PXK: variants seen among roughly 807,000 people sequenced by gnomAD.
PXK encodes PX domain-containing protein kinase-like protein.
PXK carries 35 observed loss-of-function variants against 84.7 expected under a neutral mutation model. The ratio of observed to expected loss-of-function variants is 0.41; its 90% CI spans 0.32 to 0.55. The LOEUF (loss-of-function observed/expected upper bound fraction) is 0.55. Ranked by LOEUF, PXK falls within the 20% of genes least tolerant of loss-of-function variation. PXK has a pLI of 0.21. For synonymous variants in PXK, 253 were observed against 260.8 expected (o/e 0.97, Z 0.29); for missense variants, 634 against 699.7 (o/e 0.91, Z 1.06).
At chr3:58,395,797 A>C in intron 9 of PXK, 38 bp downstream of exon 9, 7 of 1,517,742 alleles carry the variant, frequency 4.6e-6, no homozygotes, top group Non-Finnish European at 6.4e-6. Context: ...TTCAGATTTC[A>C]TCCAAAATTG....
At chr3:58,338,064 A>T (rs2097655021) in intron 1 of PXK, among the ~76,000 whole-genome samples, 1 of 152,122 alleles carries the variant, frequency 6.6e-6, no homozygotes. Flanking sequence ...TTTCTTAGCC[A>T]GGCGTGGTGG....
In PXK at chr3:58,397,269, G is replaced by A; in HGVS notation, c.984+69G>A. 6.5e-7 allele frequency: 1 copy of A among 1,529,128 alleles called. No individual in the cohort carries two copies. The highest frequency in any genetic ancestry group is 9.0e-7 in the Non-Finnish European group (1 of 1,111,996). The allele number at this position is 1,529,128 out of a possible 1,614,324, so 94.7% of individuals were successfully genotyped here. A position where few individuals can be genotyped will look rare whatever the true frequency, so the allele number is the denominator to read the frequency against. ...TCAGTTATCCCCATGATCTGCCCAT[G>A]TAGGAAATATGCACCAAGTAGTGAA... On this transcript the variant is annotated intron_variant, in intron 10 of 17. Transcript: ENST00000356151. This position sits in a 1 kb window ranked among gnomAD's most constrained non-coding sequence, Gnocchi z 4.7.
chr3:58,355,677 G>A (rs546270524), intron 1 of PXK, among the ~76,000 whole-genome samples: 5 of 152,250 alleles, frequency 3.3e-5, no homozygotes, highest in African/African-American at 7.2e-5. Flanking sequence ...AAAATGGCAC[G>A]GCCAGTGTTG....
intron 1 of PXK, among the ~76,000 whole-genome samples, chr3:58,335,604 A>C (rs2097578793): frequency 7.2e-6 from 1 of 139,610 alleles, no homozygotes; most frequent in Non-Finnish European, 1.5e-5. Flanking sequence ...GGTGTTCCAG[A>C]AGTCAGAGCT....
chr3:58,341,853 G>A (rs558544175), intron 1 of PXK, among the ~76,000 whole-genome samples: 7 of 151,982 alleles, frequency 4.6e-5, no homozygotes, highest in African/African-American at 1.7e-4. Context: ...ACAGGCACCC[G>A]CTACCACGCC....
chr3:58,378,553 T>TGTGTGA (rs1471620101), intron 3 of PXK, among the ~76,000 whole-genome samples: 1 of 131,330 alleles, frequency 7.6e-6, no homozygotes, highest in Non-Finnish European at 1.6e-5. Context: ...TGTGTGTGTG[T>TGTGTGA]GACGAAGTTT....
chr3:58,417,104 T>A (rs1380924199), intron 17 of PXK, among the ~76,000 whole-genome samples: 1 of 151,892 alleles, frequency 6.6e-6, no homozygotes, highest in Non-Finnish European at 1.5e-5. Flanking sequence ...AGGGGTCTCA[T>A]CATGTTGCCC....
chr3:58,371,372 C>G (rs962628759), intron 3 of PXK, among the ~76,000 whole-genome samples: 3 of 152,176 alleles, frequency 2.0e-5, no homozygotes, highest in Admixed American at 6.5e-5. Context: ...ATTTTCTCCT[C>G]AAGCCCTCCT....
At chr3:58,334,955 GTGTC>G (rs1443728406) in intron 1 of PXK, among the ~76,000 whole-genome samples, 342 of 114,476 alleles carry the variant, frequency 3.0e-3, no homozygotes, top group African/African-American at 6.9e-3. Flanking sequence ...GTGTGTGTGT[GTGTC>G]TGTGTGTGTG....
At position 58,346,301 on chromosome 3, in the gene PXK, G is replaced by A. The variant is rs544823050; in HGVS notation, c.102+13211G>A. 7.9e-5 allele frequency among the ~76,000 whole-genome samples: 12 copies of A among 152,186 alleles called. No individual in the cohort carries two copies. The South Asian group carries it at 2.5e-3, about 32-fold the overall frequency. ...TTAATTTGCTGTCTGTGTGCAAGGT[G>A]CAGTGGAAAGGGTGAAGGAAGGAGA... On this transcript the variant is annotated intron_variant, in intron 1 of 17. Transcript: ENST00000356151.
Position 58,399,220 on chromosome 3 carries a change from G to A in PXK, c.1103-79G>A. On this transcript the variant is annotated intron_variant, in intron 11 of 17. Transcript: ENST00000356151. The surrounding 1 kb of genome is among the most constrained non-coding windows in gnomAD (Gnocchi z 4.3). Reference sequence around the variant, plus strand: ...TCAGCCCGCAGACAGTTATTGCAAAGTGGTGTTAAACTTTTCATCAGCAAG... The same window carrying A: ...TCAGCCCGCAGACAGTTATTGCAAAATGGTGTTAAACTTTTCATCAGCAAG... The A allele has an allele frequency of 8.1e-7, 1 of 1,237,750 alleles. No homozygotes were observed. The highest frequency in any genetic ancestry group is 1.2e-6 in the Non-Finnish European group (1 of 841,402). 76.7% of individuals were successfully genotyped at this position (1,237,750 alleles called of 1,614,324 possible).
chr3:58,363,980 A>C (rs1301774606), intron 1 of PXK, among the ~76,000 whole-genome samples: 1 of 152,204 alleles, frequency 6.6e-6, no homozygotes, highest in Non-Finnish European at 1.5e-5. Flanking sequence ...CTTTTTCTGC[A>C]TCATTTGATA....
rs750263527 is a variant in PXK, at chr3:58,389,314, G to T, written c.389-1268G>T. Among the ~76,000 whole-genome samples the T allele has an allele frequency of 7.2e-4, 109 of 152,212 alleles. 1 individual carries two copies. The Middle Eastern group carries it at 0.017, about 24-fold the overall frequency. ...GCTATAATTCCAGATGGGATAAATA[G>T]TACTTGGAGCAACATTAAATACTGT... is the stretch of plus-strand genomic sequence containing the variant. On this transcript the variant is annotated intron_variant, in intron 4 of 17. Transcript: ENST00000356151.
chr3:58,369,636 C>G (rs947195150), intron 3 of PXK, among the ~76,000 whole-genome samples, 158 bp downstream of exon 3: 2 of 152,118 alleles, frequency 1.3e-5, no homozygotes, highest in Non-Finnish European at 2.9e-5. Context: ...GACCACCTGA[C>G]CAACATGGAG....
chr3:58,378,492 CTTTTT>C lies in PXK; in HGVS notation c.202-4005_202-4001del, dbSNP rs1159247642. Among the ~76,000 whole-genome samples, 224 of 24,292 alleles carry C rather than the reference CTTTTT, an allele frequency of 9.2e-3. 17 individuals are homozygous for C. Among genetic ancestry groups the C allele is most frequent in the Middle Eastern group, 0.026 (1 of 38 alleles). 15.9% of individuals were successfully genotyped at this position (24,292 alleles called of 152,430 possible). On this transcript the variant is annotated intron_variant, in intron 3 of 17. Transcript: ENST00000356151. Reference sequence around the variant, plus strand: ...ATTGGATTTGGACTTCATTTTTCTTCTTTTTTTTTTTTTTTTTTTTTGTGTGTGTG... The same window carrying C: ...ATTGGATTTGGACTTCATTTTTCTTCTTTTTTTTTTTTTTTTGTGTGTGTG...
rs1298800625 is a variant in PXK at position 58,390,358 on chromosome 3, A to G, written c.389-224A>G. Among the ~76,000 whole-genome samples, 1 of 152,060 alleles carries G rather than the reference A, an allele frequency of 6.6e-6. No homozygotes were observed. The highest frequency in any genetic ancestry group is 2.4e-5 in the African/African-American group (1 of 41,402). ...CTATGGGCTTTATTCAGATTTTACC[A>G]GTTTTTCTGCTAGTGTACTTTTTCT... On this transcript the variant is annotated intron_variant, in intron 4 of 17. Transcript: ENST00000356151. The surrounding 1 kb of genome is among the most constrained non-coding windows in gnomAD (Gnocchi z 4.2).
chr3:58,334,929 GTGT>G (rs2097559853), intron 1 of PXK, among the ~76,000 whole-genome samples: 6 of 121,338 alleles, frequency 4.9e-5, no homozygotes, highest in African/African-American at 2.1e-4. Flanking sequence ...TATTGTAAGG[GTGT>G]GTGTGTGTGT....
At position 58,379,522 on chromosome 3, in the gene PXK, C is replaced by A; in HGVS notation, c.202-2992C>A. On this transcript the variant is annotated intron_variant, in intron 3 of 17. Transcript: ENST00000356151. The surrounding 1 kb of genome is among the most constrained non-coding windows in gnomAD (Gnocchi z 5.1). Reference sequence around the variant, plus strand: ...CCCAGTTCCTGTTCATACCTGACTCCCACCAAGAAAGACTTTTAACTTGAA... The same window carrying A: ...CCCAGTTCCTGTTCATACCTGACTCACACCAAGAAAGACTTTTAACTTGAA... 6.3e-6 allele frequency: 1 copy of A among 158,376 alleles called. No homozygotes were observed. 9.8% of individuals were successfully genotyped at this position (158,376 alleles called of 1,614,324 possible). A position where few individuals can be genotyped will look rare whatever the true frequency, so the allele number is the denominator to read the frequency against.
intron 7 of PXK, among the ~76,000 whole-genome samples, chr3:58,394,077 A>G (rs548745902): frequency 1.3e-5 from 2 of 152,336 alleles, no homozygotes; most frequent in East Asian, 3.9e-4. Flanking sequence ...AAAGCTGTTA[A>G]AAAGTCAGCA....
Sources: gnomAD v4.1 joint callset for allele counts (sites outside exome capture counted in the v4.1 genomes callset) on GRCh38, gnomAD v4.1.1 for gene constraint, Gnocchi (gnomAD v3.1) non-coding constraint, MANE v1.5 for transcripts, NCBI Gene and HGNC (gene_info 2026-07-23, HGNC 2026-07-21) for gene names.